LARP1B: variants seen among roughly 807,000 people sequenced by gnomAD.
The protein encoded by LARP1B is La ribonucleoprotein 1B.
In LARP1B, 76 loss-of-function variants were observed where a neutral mutation model predicts 114.2. That is an observed-to-expected ratio of 0.67 (90% confidence interval 0.55 to 0.81). LARP1B has a LOEUF of 0.81. LARP1B is among the 30% of genes least tolerant of loss of function. The probability of loss-of-function intolerance (pLI) is 0.00; values close to 1 mark genes in which losing one functional copy is unlikely to be tolerated. For missense variants in LARP1B, 1,014 were observed against 1,075.8 expected (o/e 0.94, Z 0.80); for synonymous variants, 345 against 348.0 (o/e 0.99, Z 0.10).
At chr4:128,142,846 C>T (rs1394550206) in intron 11 of LARP1B, among the ~76,000 whole-genome samples, 1 of 151,948 alleles carries the variant, frequency 6.6e-6, no homozygotes, top group Non-Finnish European at 1.5e-5. Flanking sequence ...CTTTTACACT[C>T]TTCCTAACAC....
At chr4:128,176,123 C>CAT (rs1217470089) in intron 12 of LARP1B, among the ~76,000 whole-genome samples, 1 of 140,534 alleles carries the variant, frequency 7.1e-6, no homozygotes, top group Non-Finnish European at 1.5e-5. Flanking sequence ...TATATATACA[C>CAT]ATATATGTGT....
At chr4:128,120,922 T>C (rs1787727028) in intron 10 of LARP1B, among the ~76,000 whole-genome samples, 1 of 150,628 alleles carries the variant, frequency 6.6e-6, no homozygotes, top group Non-Finnish European at 1.5e-5. Flanking sequence ...GCAATTCTCC[T>C]GCCTCAGCCT....
chr4:128,087,856 A>G (rs1774269214), intron 5 of LARP1B, among the ~76,000 whole-genome samples: 1 of 150,688 alleles, frequency 6.6e-6, no homozygotes, highest in Non-Finnish European at 1.5e-5. Flanking sequence ...GGGGGAGCAT[A>G]TATATATATA....
chr4:128,099,735 C>CACAT (rs1554011798), intron 8 of LARP1B, among the ~76,000 whole-genome samples: 2 of 150,704 alleles, frequency 1.3e-5, no homozygotes, highest in African/African-American at 4.9e-5. Context: ...CACACACACA[C>CACAT]ATATATATTT....
At chr4:128,103,903 G>A (rs1214973544) in intron 8 of LARP1B, among the ~76,000 whole-genome samples, 1 of 150,194 alleles carries the variant, frequency 6.7e-6, no homozygotes, top group Non-Finnish European at 1.5e-5. Context: ...TGTTGGAAGA[G>A]GCTTTAGTAG....
At chr4:128,202,611 T>G (rs1268250183) in intron 17 of LARP1B, among the ~76,000 whole-genome samples, 1 of 152,212 alleles carries the variant, frequency 6.6e-6, no homozygotes, top group Non-Finnish European at 1.5e-5. Context: ...GTTTGTTCCT[T>G]AAGACTTTCT....
intron 5 of LARP1B, among the ~76,000 whole-genome samples, chr4:128,086,304 C>T (rs571511005): frequency 1.7e-4 from 26 of 151,964 alleles, no homozygotes; most frequent in Non-Finnish European, 3.1e-4. Flanking sequence ...CTCGCCCAGC[C>T]GCTTTGTCAT....
chr4:128,210,540 G>A lies in LARP1B; in HGVS notation c.*487G>A. 1.0e-6 allele frequency: 1 copy of A among 967,046 alleles called. No individual in the cohort carries two copies. 59.9% of individuals were successfully genotyped at this position (967,046 alleles called of 1,614,324 possible). On this transcript the variant is annotated 3_prime_UTR_variant, in exon 20 of 20. Coordinates refer to ENST00000326639, the MANE Select transcript of LARP1B (RefSeq NM_018078.4). ...ATTTGAACTTACCAAAACAAAGGAG[G>A]ATTACGTATATGTTTTTTAAATTCA... is the stretch of plus-strand genomic sequence containing the variant.
intron 6 of LARP1B, 101 bp from the exon 7 acceptor site, chr4:128,091,246 A>G (rs1478932311): frequency 1.5e-5 from 23 of 1,521,846 alleles, no homozygotes; most frequent in Non-Finnish European, 8.9e-7. Flanking sequence ...CTGATAATAG[A>G]TGGTTTTATG....
intron 9 of LARP1B, chr4:128,108,535 G>A (rs753254250): frequency 7.1e-6 from 7 of 985,620 alleles, no homozygotes; most frequent in Non-Finnish European, 8.4e-6. Flanking sequence ...CATCGATGAT[G>A]GACAGTCTCA....
rs140594195 is a variant in LARP1B, at chr4:128,165,943, C to T, written c.1648+3626C>T. ...TCAAATTTCTCCTCTTTTGAATCCT[C>T]AATAACTCCTTGTGTAATAGCATCA... On this transcript the variant is annotated intron_variant, in intron 12 of 19. Transcript: ENST00000326639. 2.6e-3 allele frequency among the ~76,000 whole-genome samples: 391 copies of T among 152,170 alleles called. 1 individual carries two copies. Among genetic ancestry groups the T allele is most frequent in the Non-Finnish European group, 4.7e-3 (322 of 67,960 alleles).
chr4:128,086,862 G>C (rs542317214), intron 5 of LARP1B, among the ~76,000 whole-genome samples: 1 of 151,700 alleles, frequency 6.6e-6, no homozygotes, highest in Non-Finnish European at 1.5e-5. Context: ...GTGCAGTGGC[G>C]CGATTTTGGC....
intron 10 of LARP1B, among the ~76,000 whole-genome samples, chr4:128,119,882 T>G (rs1423956591): frequency 6.6e-6 from 1 of 152,192 alleles, no homozygotes; most frequent in African/African-American, 2.4e-5. Context: ...GCATGCAAAC[T>G]TAAGTCATCT....
intron 11 of LARP1B, among the ~76,000 whole-genome samples, chr4:128,139,854 G>A (rs190306063): frequency 1.4e-5 from 2 of 141,882 alleles, no homozygotes; most frequent in Middle Eastern, 3.6e-3. Flanking sequence ...GTAGAGTTTG[G>A]GAGTATTTGG....
chr4:128,209,630 G>T (rs1399339890), intron 19 of LARP1B, among the ~76,000 whole-genome samples: 2 of 151,538 alleles, frequency 1.3e-5, no homozygotes, highest in Admixed American at 6.6e-5. Context: ...CTGTGAGGCG[G>T]AAGAATGGCG....
chr4:128,214,548 G>A (rs1433210453), downstream of LARP1B, among the ~76,000 whole-genome samples: 10 of 151,764 alleles, frequency 6.6e-5, no homozygotes, highest in Non-Finnish European at 1.3e-4. Flanking sequence ...CACCTCACAC[G>A]GCAGGGTATT....
Position 128,206,814 on chromosome 4 carries a change from A to G in LARP1B, c.2419+277A>G, listed in dbSNP as rs141073215. On this transcript the variant is annotated intron_variant, in intron 18 of 19. Transcript: ENST00000326639. ...CGTGGCTACTCACTGATGTTCCGTT[A>G]CATGAAAATTCTATGCAACATCAGC... 1,004 of 985,420 alleles carry G rather than the reference A, an allele frequency of 1.0e-3. 14 individuals carry two copies. In the African/African-American group the frequency reaches 0.016, roughly 16 times the overall value. 61.0% of individuals were successfully genotyped at this position (985,420 alleles called of 1,614,324 possible).
intron 5 of LARP1B, among the ~76,000 whole-genome samples, chr4:128,086,009 CTTTTTTTTTTTTT>C (rs143345158): frequency 4.4e-5 from 4 of 91,272 alleles, no homozygotes; most frequent in South Asian, 4.3e-4. Context: ...TCATGGTATT[CTTTTTTTTTTTTT>C]TTTTTTTTTG....
chr4:128,136,190 G>A (rs1725174052), intron 11 of LARP1B, among the ~76,000 whole-genome samples: 1 of 152,014 alleles, frequency 6.6e-6, no homozygotes, highest in Non-Finnish European at 1.5e-5. Context: ...CTACTTGGGA[G>A]GCTGAGGTAG....
Sources: allele counts gnomAD v4.1 joint callset (sites outside exome capture counted in the v4.1 genomes callset), GRCh38; gene constraint gnomAD v4.1.1; transcripts MANE v1.5; gene names NCBI Gene and HGNC (gene_info 2026-07-23, HGNC 2026-07-21).